ARHGAP10: variants seen among roughly 807,000 people sequenced by gnomAD.
The protein encoded by ARHGAP10 is rho GTPase-activating protein 10.
In ARHGAP10, 87 loss-of-function variants were observed where a neutral mutation model predicts 108.6. The observed-to-expected ratio is 0.80, with a 90% confidence interval of 0.67 to 0.96. The LOEUF is 0.96. Ranked by LOEUF, ARHGAP10 falls within the 40% of genes least tolerant of loss-of-function variation. The probability of loss-of-function intolerance (pLI) is 0.00; values close to 1 mark genes in which losing one functional copy is unlikely to be tolerated. For synonymous variants in ARHGAP10, 347 were observed against 341.1 expected (o/e 1.02, Z -0.19); for missense variants, 939 against 954.5 (o/e 0.98, Z 0.21).
At chr4:147,740,231 T>C (rs1191875427) in intron 1 of ARHGAP10, among the ~76,000 whole-genome samples, 3 of 151,932 alleles carry the variant, frequency 2.0e-5, no homozygotes, top group African/African-American at 7.3e-5. Flanking sequence ...CTACGTTTTG[T>C]ATTTTTTGTA....
chr4:147,813,927 T>G (rs755712380), intron 1 of ARHGAP10, among the ~76,000 whole-genome samples: 1 of 152,246 alleles, frequency 6.6e-6, no homozygotes, highest in Non-Finnish European at 1.5e-5. Flanking sequence ...TGATATAAAT[T>G]TAACTCACTT....
At chr4:148,042,059 C>T (rs902792509) in intron 19 of ARHGAP10, among the ~76,000 whole-genome samples, 5 of 152,320 alleles carry the variant, frequency 3.3e-5, no homozygotes, top group African/African-American at 4.8e-5. Flanking sequence ...CCCTTAGATA[C>T]TGCCACGTGG....
In ARHGAP10 at chr4:148,025,403, T is replaced by G. The variant is rs113747061; in HGVS notation, c.1867+1990T>G. Among the ~76,000 whole-genome samples, 587 of 152,206 alleles carry G rather than the reference T, an allele frequency of 3.9e-3. 4 individuals are homozygous for G. Among genetic ancestry groups the G allele is most frequent in the African/African-American group, 0.014 (567 of 41,540 alleles). On this transcript the variant is annotated intron_variant, in intron 19 of 22. Coordinates refer to ENST00000336498, the MANE Select transcript of ARHGAP10 (RefSeq NM_024605.4). The stretch of plus-strand genomic sequence containing the variant: ...TAAGTTGTCAGAATCAGGAAAACTC[T>G]TAAGTTTGGTCATAGTGATTTAATC...
intron 18 of ARHGAP10, among the ~76,000 whole-genome samples, chr4:147,982,456 A>G (rs1578757108): frequency 7.4e-6 from 1 of 135,082 alleles, no homozygotes; most frequent in African/African-American, 2.9e-5. Context: ...TGCAGCCTTG[A>G]CCTCCTCCCA....
chr4:147,964,481 TC>T (rs1368178629), intron 16 of ARHGAP10, among the ~76,000 whole-genome samples: 2 of 152,196 alleles, frequency 1.3e-5, no homozygotes, highest in Non-Finnish European at 2.9e-5. Context: ...ACTTTTCCCT[TC>T]CTGACAGTCA....
At chr4:148,071,917 T>G in intron 22 of ARHGAP10, 76 bp from the exon 23 acceptor site, 19 of 1,307,764 alleles carry the variant, frequency 1.5e-5, no homozygotes, top group African/African-American at 2.9e-5. Context: ...ACTCCCTGCT[T>G]GAGCTTTTAA....
rs541210844 is a variant in ARHGAP10 at position 148,038,739 on chromosome 4, G to A, written c.1868-8153G>A. On this transcript the variant is annotated intron_variant, in intron 19 of 22. Transcript: ENST00000336498. ...ACAGGAGGATGAATTCAGGCACAAGGGGATATAGGGGCATGAGGTGGATGT... is the reference window on the plus strand; with the variant it reads ...ACAGGAGGATGAATTCAGGCACAAGAGGATATAGGGGCATGAGGTGGATGT... 3.9e-4 allele frequency among the ~76,000 whole-genome samples: 59 copies of A among 152,274 alleles called. 1 individual carries two copies. In the South Asian group the frequency reaches 0.011, roughly 28 times the overall value.
intron 18 of ARHGAP10, among the ~76,000 whole-genome samples, chr4:147,976,341 C>T (rs1739593837): frequency 6.6e-6 from 1 of 152,166 alleles, no homozygotes; most frequent in Non-Finnish European, 1.5e-5. Context: ...TCTTAAACAA[C>T]AACAACAATA....
intron 3 of ARHGAP10, among the ~76,000 whole-genome samples, chr4:147,845,818 T>C (rs1272298429): frequency 1.3e-5 from 2 of 152,156 alleles, no homozygotes; most frequent in Non-Finnish European, 2.9e-5. Flanking sequence ...TGTGAAAACG[T>C]ATGCTAGCAC....
At chr4:147,802,497 C>T (rs943664434) in intron 1 of ARHGAP10, among the ~76,000 whole-genome samples, 3 of 152,236 alleles carry the variant, frequency 2.0e-5, no homozygotes, top group Non-Finnish European at 2.9e-5. Flanking sequence ...AGACTGTTAG[C>T]ATTGGGCAGG....
In ARHGAP10 at chr4:147,732,353, T is replaced by C. The variant is rs1224577065; in HGVS notation, c.52T>C (p.Phe18Leu). ...FSDCYLDSPWFRERIRAHEAE... is the reference protein window; with the variant it reads ...FSDCYLDSPWLRERIRAHEAE... Reference sequence around the variant, plus strand: ...CGACTGCTACCTCGACAGCCCGTGGTTCCGGGAGAGGATCCGCGCTCACGA... The same window carrying C: ...CGACTGCTACCTCGACAGCCCGTGGCTCCGGGAGAGGATCCGCGCTCACGA... Residue 18 changes from phenylalanine to leucine, a missense_variant, in exon 1 of 23, where the codon TTC becomes CTC. Coordinates refer to ENST00000336498, the MANE Select transcript of ARHGAP10 (RefSeq NM_024605.4). 1.2e-6 allele frequency: 2 copies of C among 1,612,992 alleles called. No individual in the cohort carries two copies. The highest frequency in any genetic ancestry group is 1.1e-5 in the South Asian group (1 of 91,016).
At chr4:147,906,591 CT>C (rs760073503) in intron 10 of ARHGAP10, 46 bp from the exon 11 acceptor site, 5 of 1,593,904 alleles carry the variant, frequency 3.1e-6, no homozygotes, top group Non-Finnish European at 4.3e-6. Context: ...AAAAACTTGC[CT>C]TTTAGTGGCC....
intron 3 of ARHGAP10, among the ~76,000 whole-genome samples, chr4:147,836,420 C>G (rs531828620): frequency 6.8e-4 from 104 of 152,234 alleles, no homozygotes; most frequent in Middle Eastern, 6.8e-3. Context: ...CTTGGATTAT[C>G]TGTATGAAAG....
In ARHGAP10 at chr4:147,784,813, T is replaced by TACAAA. The variant is rs1730794843; in HGVS notation, c.155-37913_155-37912insCAAAA. Among the ~76,000 whole-genome samples, 6 of 25,576 alleles carry TACAAA rather than the reference T, an allele frequency of 2.3e-4. 1 individual carries two copies. The highest frequency in any genetic ancestry group is 3.6e-4 in the African/African-American group (6 of 16,756). 16.8% of individuals were successfully genotyped at this position (25,576 alleles called of 152,430 possible). On this transcript the variant is annotated intron_variant, in intron 1 of 22. Transcript: ENST00000336498. ...AATATATATTATAAATATAATATAT[T>TACAAA]ATAAAATATATATTATAAATATATT...
intron 20 of ARHGAP10, among the ~76,000 whole-genome samples, chr4:148,055,378 C>T (rs996498995): frequency 6.6e-6 from 1 of 152,132 alleles, no homozygotes; most frequent in African/African-American, 2.4e-5. Flanking sequence ...TCCCTGACCG[C>T]CTACCTCCTG....
intron 18 of ARHGAP10, among the ~76,000 whole-genome samples, chr4:148,020,243 G>T (rs372742572): frequency 3.3e-5 from 5 of 152,246 alleles, no homozygotes; most frequent in African/African-American, 9.6e-5. Flanking sequence ...TCAAGGAATT[G>T]ATTATATATG....
intron 16 of ARHGAP10, among the ~76,000 whole-genome samples, chr4:147,958,131 A>G (rs1738857905): frequency 6.6e-6 from 1 of 152,190 alleles, no homozygotes; most frequent in Non-Finnish European, 1.5e-5. Context: ...GCAGGCATCT[A>G]GCTGGATGTC....
chr4:147,787,882 G>T lies in ARHGAP10; in HGVS notation c.155-34845G>T, dbSNP rs1271324934. Among the ~76,000 whole-genome samples, 2 of 152,170 alleles carry T rather than the reference G, an allele frequency of 1.3e-5. 1 individual carries two copies. Among genetic ancestry groups the T allele is most frequent in the Non-Finnish European group, 2.9e-5 (2 of 68,026 alleles). On this transcript the variant is annotated intron_variant, in intron 1 of 22. Transcript: ENST00000336498. ...AATGTGAGGCACCCGACCTGTGAGG[G>T]TTAGAGGGTCTGTGACTTAGAAAGT...
At chr4:147,732,793 C>T (rs1001080035) in intron 1 of ARHGAP10, among the ~76,000 whole-genome samples, 6 of 152,210 alleles carry the variant, frequency 3.9e-5, no homozygotes, top group Non-Finnish European at 8.8e-5. Flanking sequence ...GGCCCGGAGT[C>T]AGGTTTCATT....
Sources: allele counts gnomAD v4.1 joint callset (sites outside exome capture counted in the v4.1 genomes callset), GRCh38; gene constraint gnomAD v4.1.1; transcripts MANE v1.5; gene names NCBI Gene and HGNC (gene_info 2026-07-23, HGNC 2026-07-21).